The following GULP1 variants were observed in gnomAD, a reference collection of about 807,000 sequenced individuals.
GULP1 encodes the protein PTB domain-containing engulfment adapter protein 1.
A neutral mutation model predicts 40.9 loss-of-function variants in GULP1; 19 were observed. The observed-to-expected ratio is 0.46, with a 90% CI of 0.32 to 0.68. The LOEUF is 0.68. Ranked by LOEUF, GULP1 falls within the 30% of genes least tolerant of loss-of-function variation. The probability of loss-of-function intolerance (pLI) is 0.03; values close to 1 mark genes in which losing one functional copy is unlikely to be tolerated. For missense variants in GULP1, 312 were observed against 362.2 expected, an observed-to-expected ratio of 0.86 and a Z score of 1.12; for synonymous variants, 119 against 117.6, an observed-to-expected ratio of 1.01 and a Z score of -0.08.
intron 2 of GULP1, among the ~76,000 whole-genome samples, chr2:188,457,449 T>C (rs2059358044): frequency 6.6e-6 from 1 of 152,166 alleles, no homozygotes; most frequent in African/African-American, 2.4e-5. Context: ...TAAGTTCTCT[T>C]TGCCTGTTGC....
intron 6 of GULP1, 36 bp from the exon 7 acceptor site, chr2:188,541,145 C>A (rs748738290): frequency 1.3e-6 from 2 of 1,571,258 alleles, no homozygotes; most frequent in Admixed American, 1.8e-5. Flanking sequence ...AAAAAAGAAT[C>A]CCATCAACTA....
intron 2 of GULP1, among the ~76,000 whole-genome samples, chr2:188,421,503 G>T (rs1345474117): frequency 6.6e-6 from 1 of 152,030 alleles, no homozygotes; most frequent in African/African-American, 2.4e-5. Context: ...ATCATTCCCA[G>T]CCCTTTATTG....
chr2:188,475,393 G>T (rs1160987501), intron 2 of GULP1, among the ~76,000 whole-genome samples: 2 of 150,938 alleles, frequency 1.3e-5, no homozygotes, highest in East Asian at 3.9e-4. Context: ...TATGTGAAGA[G>T]TTTTTTTTTG....
At chr2:188,532,513 T>C (rs926666242) in intron 6 of GULP1, among the ~76,000 whole-genome samples, 3 of 152,190 alleles carry the variant, frequency 2.0e-5, no homozygotes, top group Admixed American at 6.5e-5. Flanking sequence ...TGTGGCATGA[T>C]GTTACCAGTT....
intron 2 of GULP1, among the ~76,000 whole-genome samples, chr2:188,407,400 A>G (rs1355226975): frequency 6.6e-6 from 1 of 152,234 alleles, no homozygotes; most frequent in Non-Finnish European, 1.5e-5. Flanking sequence ...CTGTATTTTC[A>G]GTATGAAAGC....
chr2:188,442,601 G>T (rs1164587061), intron 2 of GULP1, among the ~76,000 whole-genome samples: 1 of 152,068 alleles, frequency 6.6e-6, no homozygotes. Context: ...GGGAAAATAG[G>T]ATACACTAGA....
chr2:188,298,153 T>C (rs1334300760), intron 1 of GULP1, among the ~76,000 whole-genome samples: 1 of 152,132 alleles, frequency 6.6e-6, no homozygotes, highest in East Asian at 1.9e-4. Flanking sequence ...TGTGTAGTAA[T>C]AAAGGACTTT....
intron 4 of GULP1, among the ~76,000 whole-genome samples, chr2:188,487,472 A>G (rs1160264081): frequency 6.6e-6 from 1 of 151,998 alleles, no homozygotes; most frequent in Non-Finnish European, 1.5e-5. Context: ...ATGTAAAACA[A>G]ATAGTAACAC....
At position 188,292,403 on chromosome 2, in the gene GULP1, A is replaced by G. The variant is rs1400028961; in HGVS notation, c.-172+237A>G. On this transcript the variant is annotated intron_variant, in intron 1 of 11. Transcript: ENST00000409830. This position sits in a 1 kb window ranked among gnomAD's most constrained non-coding sequence, Gnocchi z 4.0. ...CACTAAAGGAGGCTAAGACCTGTTG[A>G]CGCCTGCTATGGCAGCGCTTGAGAA... is the stretch of plus-strand genomic sequence containing the variant. Among the ~76,000 whole-genome samples the G allele has an allele frequency of 6.6e-6, 1 of 152,194 alleles. No individual in the cohort carries two copies. Among genetic ancestry groups the G allele is most frequent in the Non-Finnish European group, 1.5e-5 (1 of 68,036 alleles).
rs184023155 is a variant in GULP1, at chr2:188,296,087, C to T, written c.-172+3921C>T. The stretch of plus-strand genomic sequence containing the variant: ...TTACAGAAGCTAACTGCATAACTGC[C>T]ATGAGCCCTGGTCCCTAAACGTATT... On this transcript the variant is annotated intron_variant, in intron 1 of 11. Transcript: ENST00000409830. Among the ~76,000 whole-genome samples, 274 of 152,150 alleles carry T rather than the reference C, an allele frequency of 1.8e-3. 2 individuals carry two copies. Among genetic ancestry groups the T allele is most frequent in the African/African-American group, 6.3e-3 (263 of 41,538 alleles).
intron 4 of GULP1, among the ~76,000 whole-genome samples, chr2:188,496,093 C>A (rs2062868549): frequency 6.6e-6 from 1 of 151,990 alleles, no homozygotes; most frequent in African/African-American, 2.4e-5. Flanking sequence ...ATAAGCATGG[C>A]AGCAATGGCT....
At chr2:188,569,520 A>C (rs1576183434) in intron 8 of GULP1, 165 bp downstream of exon 8, 5 of 603,230 alleles carry the variant, frequency 8.3e-6, no homozygotes, top group Admixed American at 3.0e-5. Flanking sequence ...GATCCCCTGC[A>C]CAGTTTTTTT....
At chr2:188,308,557 G>A (rs928682803) in intron 1 of GULP1, among the ~76,000 whole-genome samples, 3 of 152,104 alleles carry the variant, frequency 2.0e-5, no homozygotes, top group Admixed American at 6.5e-5. Flanking sequence ...TACATCTTAT[G>A]TACTGAACTT....
At chr2:188,435,488 G>C (rs780881124) in intron 2 of GULP1, among the ~76,000 whole-genome samples, 12 of 151,950 alleles carry the variant, frequency 7.9e-5, no homozygotes, top group Non-Finnish European at 1.0e-4. Context: ...GAGATAGCTT[G>C]TGCATTAATT....
chr2:188,333,085 A>C (rs1258594847), intron 1 of GULP1, among the ~76,000 whole-genome samples: 2 of 151,958 alleles, frequency 1.3e-5, no homozygotes, highest in African/African-American at 4.8e-5. Flanking sequence ...TCTCTACAAA[A>C]AATAAAAACA....
intron 7 of GULP1, among the ~76,000 whole-genome samples, chr2:188,552,839 G>C (rs1559371541): frequency 1.3e-5 from 2 of 149,640 alleles, no homozygotes; most frequent in African/African-American, 2.4e-5. Context: ...TTACCTCCTT[G>C]GTTAAATTTA....
At chr2:188,406,133 G>C (rs1478138031) in intron 2 of GULP1, among the ~76,000 whole-genome samples, 1 of 152,108 alleles carries the variant, frequency 6.6e-6, no homozygotes, top group Non-Finnish European at 1.5e-5. Flanking sequence ...CTATAGTGTA[G>C]CTGATTGCTA....
chr2:188,389,247 C>T (rs2050197144), intron 2 of GULP1, among the ~76,000 whole-genome samples: 1 of 152,116 alleles, frequency 6.6e-6, no homozygotes, highest in Non-Finnish European at 1.5e-5. Context: ...TTTGCTAGAG[C>T]ACTCATAACA....
At chr2:188,328,570 A>C (rs1159750379) in intron 1 of GULP1, among the ~76,000 whole-genome samples, 3 of 152,148 alleles carry the variant, frequency 2.0e-5, no homozygotes, top group Non-Finnish European at 4.4e-5. Context: ...TTTCACAAGT[A>C]AAACAGATGT....
Sources: gnomAD v4.1 joint callset for allele counts (sites outside exome capture counted in the v4.1 genomes callset) on GRCh38, gnomAD v4.1.1 for gene constraint, Gnocchi (gnomAD v3.1) non-coding constraint, MANE v1.5 for transcripts, NCBI Gene and HGNC (gene_info 2026-07-23, HGNC 2026-07-21) for gene names.